BNC2: variants seen among roughly 807,000 people sequenced by gnomAD.
BNC2 encodes zinc finger protein basonuclin-2.
A neutral mutation model predicts 76.3 loss-of-function variants in BNC2; 20 were observed. That is an observed-to-expected ratio of 0.26 (90% CI 0.18 to 0.38). The LOEUF (loss-of-function observed/expected upper bound fraction) is 0.38. Ranked by LOEUF, BNC2 falls within the 10% of genes least tolerant of loss-of-function variation. The pLI, the probability that BNC2 is intolerant of heterozygous loss-of-function variation, is 1.00. For synonymous variants in BNC2, 582 were observed against 514.8 expected (o/e 1.13, Z -1.77); for missense variants, 1,382 against 1,399.8 (o/e 0.99, Z 0.20).
chr9:16,708,337 G>A (rs1823737943), intron 3 of BNC2, among the ~76,000 whole-genome samples: 1 of 152,202 alleles, frequency 6.6e-6, no homozygotes, highest in Non-Finnish European at 1.5e-5. Context: ...ATAGGTGAAA[G>A]TTTTCTCATG....
chr9:16,702,816 T>C (rs1056958203), intron 3 of BNC2, among the ~76,000 whole-genome samples: 1 of 152,178 alleles, frequency 6.6e-6, no homozygotes, highest in African/African-American at 2.4e-5. Context: ...TAAATGTCCT[T>C]TTCCCCATTT....
At chr9:16,825,841 G>A (rs1221749590) in intron 1 of BNC2, among the ~76,000 whole-genome samples, 2 of 152,090 alleles carry the variant, frequency 1.3e-5, no homozygotes, top group Admixed American at 1.3e-4. Flanking sequence ...TTCAACCACA[G>A]ACAGTCTTTC....
chr9:16,700,839 C>T (rs10756785), intron 3 of BNC2, among the ~76,000 whole-genome samples: 90,835 of 152,024 alleles, frequency 0.6, 30,879 homozygotes, highest in Non-Finnish European at 0.79. Flanking sequence ...TGGTGGCACA[C>T]ACCTGTAATC....
At chr9:16,801,426 T>C (rs1049057394) in intron 1 of BNC2, among the ~76,000 whole-genome samples, 33 of 150,996 alleles carry the variant, frequency 2.2e-4, no homozygotes, top group African/African-American at 8.0e-4. Context: ...TTAGTAGAGA[T>C]GGGGTTTCAC....
intron 3 of BNC2, among the ~76,000 whole-genome samples, chr9:16,650,494 C>A (rs1821763221): frequency 6.6e-6 from 1 of 152,114 alleles, no homozygotes; most frequent in African/African-American, 2.4e-5. Flanking sequence ...ATATGAATAA[C>A]AGAGTCCACC....
rs112394385 is a variant in BNC2, at chr9:16,820,426, CA to C, written c.3+50219del. ...GGGCAACAAGAGCAAAATTTCGTTC[CA>C]AAAAAAAAAAGCAATAATAAGGCCC... is the stretch of plus-strand genomic sequence containing the variant. On this transcript the variant is annotated intron_variant, in intron 1 of 6. Transcript: ENST00000380672. 3.6e-3 allele frequency among the ~76,000 whole-genome samples: 480 copies of C among 134,050 alleles called. 3 individuals are homozygous for C. Among genetic ancestry groups the C allele is most frequent in the Middle Eastern group, 7.6e-3 (2 of 262 alleles). The allele number at this position is 134,050 out of a possible 152,430, so 87.9% of individuals were successfully genotyped here. A position where few individuals can be genotyped will look rare whatever the true frequency, so the allele number is the denominator to read the frequency against.
chr9:16,712,657 A>G (rs570405083), intron 3 of BNC2, among the ~76,000 whole-genome samples: 1 of 152,354 alleles, frequency 6.6e-6, no homozygotes, highest in African/African-American at 2.4e-5. Context: ...AGGCCAAAGC[A>G]CTGATATTTC....
intron 4 of BNC2, among the ~76,000 whole-genome samples, chr9:16,573,783 C>T (rs1233765251): frequency 6.6e-6 from 1 of 152,164 alleles, no homozygotes; most frequent in African/African-American, 2.4e-5. Context: ...ATACTTAAAG[C>T]ACTTCTTATA....
At chr9:16,719,117 A>C (rs1824073733) in intron 3 of BNC2, among the ~76,000 whole-genome samples, 1 of 152,104 alleles carries the variant, frequency 6.6e-6, no homozygotes, top group African/African-American at 2.4e-5. Context: ...AACAATGAGA[A>C]TGTTTGCAGG....
chr9:16,556,464 G>A (rs993877640), intron 4 of BNC2, among the ~76,000 whole-genome samples: 1 of 151,126 alleles, frequency 6.6e-6, no homozygotes, highest in Non-Finnish European at 1.5e-5. Flanking sequence ...AGCCATAGAT[G>A]AAGACTTAAA....
chr9:16,590,571 T>C (rs1385591506), intron 3 of BNC2, among the ~76,000 whole-genome samples: 2 of 151,884 alleles, frequency 1.3e-5, no homozygotes, highest in Non-Finnish European at 2.9e-5. Flanking sequence ...TCTCAGCAAT[T>C]TGGGAGGCCG....
At chr9:16,480,828 G>C (rs766054930) in intron 5 of BNC2, among the ~76,000 whole-genome samples, 1 of 152,110 alleles carries the variant, frequency 6.6e-6, no homozygotes, top group Non-Finnish European at 1.5e-5. Context: ...GAGCCTCCCC[G>C]ACAAGTGCCA....
chr9:16,511,390 C>T (rs1822751566), intron 5 of BNC2, among the ~76,000 whole-genome samples: 1 of 147,550 alleles, frequency 6.8e-6, no homozygotes, highest in Non-Finnish European at 1.5e-5. Context: ...GGATCACAGC[C>T]ATGAGCCACC....
intron 3 of BNC2, chr9:16,727,478 T>C (rs1447033428): frequency 6.9e-6 from 2 of 290,236 alleles, no homozygotes; most frequent in Non-Finnish European, 1.3e-5. Context: ...AGGTGGCTTT[T>C]TTCATTCTCA....
At chr9:16,625,031 C>G (rs1403815468) in intron 3 of BNC2, among the ~76,000 whole-genome samples, 1 of 152,196 alleles carries the variant, frequency 6.6e-6, no homozygotes, top group East Asian at 1.9e-4. Context: ...TTTTAGAAAG[C>G]AGCTTTTTAA....
At chr9:16,802,120 T>C (rs12345910) in intron 1 of BNC2, among the ~76,000 whole-genome samples, 75,300 of 152,130 alleles carry the variant, frequency 0.49, 25,099 homozygotes, top group Non-Finnish European at 0.75. Context: ...CTATCATTCA[T>C]TTCTTAGCCA....
At chr9:16,473,333 C>A (rs901170532) in intron 5 of BNC2, 2 of 152,120 alleles carry the variant, frequency 1.3e-5, no homozygotes, top group Admixed American at 6.5e-5. Context: ...TAACAAGAAA[C>A]AAACCGGAAA....
intron 1 of BNC2, among the ~76,000 whole-genome samples, chr9:16,760,016 C>T (rs1011251924): frequency 6.6e-5 from 10 of 152,210 alleles, no homozygotes; most frequent in Admixed American, 2.0e-4. Context: ...AGCCACCGCG[C>T]GGGGCCAGAG....
chr9:16,564,970 C>T (rs963437118), intron 4 of BNC2, among the ~76,000 whole-genome samples: 4 of 152,078 alleles, frequency 2.6e-5, no homozygotes, highest in Admixed American at 2.0e-4. Flanking sequence ...CGTAGGTCAT[C>T]GTCATCCTTA....
Sources: allele counts gnomAD v4.1 joint callset (sites outside exome capture counted in the v4.1 genomes callset), GRCh38; gene constraint gnomAD v4.1.1; transcripts MANE v1.5; gene names NCBI Gene and HGNC (gene_info 2026-07-23, HGNC 2026-07-21).